Variants in CCDC122 observed in about 807,000 individuals in gnomAD.
CCDC122 encodes coiled-coil domain containing 122.
CCDC122 carries 38 observed loss-of-function variants against 37.0 expected under a neutral mutation model. The ratio of observed to expected loss-of-function variants is 1.03; its 90% CI spans 0.79 to 1.35. CCDC122 has a LOEUF of 1.35. Among genes scored for constraint, CCDC122 ranks in the 40% most tolerant of loss-of-function variants. The pLI is 0.00. For missense variants in CCDC122, 305 were observed against 310.0 expected, an observed-to-expected ratio of 0.98 and a Z score of 0.12; for synonymous variants, 83 against 95.6, an observed-to-expected ratio of 0.87 and a Z score of 0.77.
chr13:43,879,329 G>T (rs1036699175), intron 1 of CCDC122: 1 of 153,916 alleles, frequency 6.5e-6, no homozygotes. Flanking sequence ...AGGGCCCGTC[G>T]TTCCGCCGCC....
intron 6 of CCDC122, among the ~76,000 whole-genome samples, chr13:43,839,956 C>T (rs1953288440): frequency 6.6e-6 from 1 of 152,100 alleles, no homozygotes; most frequent in African/African-American, 2.4e-5. Flanking sequence ...ATTTGAGGTA[C>T]AGGAATTGGA....
chr13:43,834,853 C>A (rs1230028996), downstream of CCDC122, among the ~76,000 whole-genome samples: 1 of 152,074 alleles, frequency 6.6e-6, no homozygotes, highest in Non-Finnish European at 1.5e-5. Flanking sequence ...CACTTTTACA[C>A]TGTTGGTGGG....
chr13:43,853,514 A>T (rs1294133429), intron 6 of CCDC122, among the ~76,000 whole-genome samples: 1 of 152,232 alleles, frequency 6.6e-6, no homozygotes, highest in Admixed American at 6.5e-5. Context: ...ACCTTCAAAC[A>T]GACTTAGACC....
downstream of CCDC122, among the ~76,000 whole-genome samples, chr13:43,833,490 G>A (rs1347322536): frequency 2.0e-5 from 3 of 152,162 alleles, no homozygotes; most frequent in Non-Finnish European, 4.4e-5. Flanking sequence ...GAGAACCTTG[G>A]AAGAATCCAT....
At chr13:43,820,097 ACT>A (rs1952983170), downstream of CCDC122, among the ~76,000 whole-genome samples, 1 of 152,246 alleles carries the variant, frequency 6.6e-6, no homozygotes, top group South Asian at 2.1e-4. Flanking sequence ...GTTAAGGAAA[ACT>A]CTATGTAATC....
intron 2 of CCDC122, among the ~76,000 whole-genome samples, chr13:43,873,023 T>C (rs771887827): frequency 2.4e-4 from 36 of 152,194 alleles, no homozygotes; most frequent in Non-Finnish European, 4.4e-4. Context: ...TTCATTTTAC[T>C]TGACCTATTG....
chr13:43,832,995 T>A (rs1953104180), downstream of CCDC122, among the ~76,000 whole-genome samples: 2 of 152,208 alleles, frequency 1.3e-5, no homozygotes, highest in Admixed American at 1.3e-4. Flanking sequence ...GAAAATAGCA[T>A]GATTAATCAA....
At chr13:43,840,165 T>G (rs185561748) in intron 6 of CCDC122, among the ~76,000 whole-genome samples, 1 of 152,146 alleles carries the variant, frequency 6.6e-6, no homozygotes, top group Non-Finnish European at 1.5e-5. Flanking sequence ...GTTCATCCAC[T>G]AGGACTCAAA....
intron 2 of CCDC122, among the ~76,000 whole-genome samples, chr13:43,872,287 C>T (rs1392810657): frequency 6.6e-6 from 1 of 152,084 alleles, no homozygotes; most frequent in African/African-American, 2.4e-5. Flanking sequence ...ATTTCCCTTA[C>T]AGCTCACTCC....
intron 3 of CCDC122, among the ~76,000 whole-genome samples, chr13:43,831,197 G>T (rs1336127240): frequency 6.6e-6 from 1 of 151,892 alleles, no homozygotes; most frequent in East Asian, 1.9e-4. Flanking sequence ...TTTAAAGAAC[G>T]ACACTTGAGA....
chr13:43,854,196 C>T (rs1020830689), intron 6 of CCDC122: 2 of 151,998 alleles, frequency 1.3e-5, no homozygotes, highest in African/African-American at 4.8e-5. Flanking sequence ...AATCTAGGAG[C>T]TGGTTTTTTG....
chr13:43,825,912 T>C (rs550365925), intron 3 of CCDC122, among the ~76,000 whole-genome samples: 1 of 152,128 alleles, frequency 6.6e-6, no homozygotes, highest in Admixed American at 6.5e-5. Flanking sequence ...AACATGCACA[T>C]GTACCTCTTG....
chr13:43,878,982 T>TG (rs983566836), intron 1 of CCDC122, among the ~76,000 whole-genome samples: 46 of 152,086 alleles, frequency 3.0e-4, no homozygotes, highest in African/African-American at 1.1e-3. Flanking sequence ...GAGCCCTGCA[T>TG]GGGAAAAGCT....
chr13:43,829,864 A>T (rs1197542992), intron 3 of CCDC122, among the ~76,000 whole-genome samples: 1 of 152,132 alleles, frequency 6.6e-6, no homozygotes, highest in Non-Finnish European at 1.5e-5. Context: ...TTGGGGTTTC[A>T]GAATCTAGAT....
chr13:43,869,618 T>C (rs1954384227), intron 2 of CCDC122, 129 bp from the exon 3 acceptor site: 1 of 458,820 alleles, frequency 2.2e-6, no homozygotes, highest in Non-Finnish European at 3.9e-6. Flanking sequence ...GTATTTTGCT[T>C]CTCCTGCTTT....
rs1483712629 is a variant in CCDC122 at position 43,844,632 on chromosome 13, CTGTT to C, written c.673-7207_673-7204del. ...GATCTGTCTCTTTTTTTCTTTGGTT[CTGTT>C]TGTTTTTGCTCATGTATTTTGAAAC... On this transcript the variant is annotated intron_variant, in intron 6 of 6. Coordinates refer to ENST00000444614, the MANE Select transcript of CCDC122 (RefSeq NM_144974.5). Among the ~76,000 whole-genome samples the C allele has an allele frequency of 3.3e-5, 5 of 151,552 alleles. No individual in the cohort carries two copies. The East Asian group carries it at 9.7e-4, about 29-fold the overall frequency.
intron 6 of CCDC122, among the ~76,000 whole-genome samples, chr13:43,851,972 G>A (rs1455231748): frequency 1.3e-5 from 2 of 151,708 alleles, no homozygotes; most frequent in African/African-American, 4.8e-5. Context: ...ACATCCAAAG[G>A]TCAGCAGCTC....
chr13:43,865,050 G>A (rs542056851), intron 4 of CCDC122, among the ~76,000 whole-genome samples: 1 of 152,126 alleles, frequency 6.6e-6, no homozygotes, highest in Non-Finnish European at 1.5e-5. Context: ...CCCAGAGACA[G>A]CATAGAAGCT....
At chr13:43,842,405 C>T (rs1447292529) in intron 6 of CCDC122, among the ~76,000 whole-genome samples, 1 of 151,286 alleles carries the variant, frequency 6.6e-6, no homozygotes, top group Non-Finnish European at 1.5e-5. Context: ...ATTCTTTTAC[C>T]AATACTACAG....
Sources: allele counts gnomAD v4.1 joint callset (sites outside exome capture counted in the v4.1 genomes callset), GRCh38; gene constraint gnomAD v4.1.1; transcripts MANE v1.5; gene names NCBI Gene and HGNC (gene_info 2026-07-23, HGNC 2026-07-21).